Variants in LRRC4C observed in about 807,000 individuals in gnomAD.
The protein encoded by LRRC4C is leucine rich repeat containing 4C, also known as leucine-rich repeat-containing protein 4C.
Under a neutral mutation model 33.6 loss-of-function variants are expected in LRRC4C, and 5 were observed. The observed-to-expected ratio is 0.15, with a 90% CI of 0.08 to 0.31. The LOEUF (loss-of-function observed/expected upper bound fraction) is 0.31. Ranked by LOEUF, LRRC4C falls within the 10% of genes least tolerant of loss-of-function variation. The probability of loss-of-function intolerance (pLI) is 1.00; values close to 1 mark genes in which losing one functional copy is unlikely to be tolerated. For missense variants in LRRC4C, 560 were observed against 796.7 expected (o/e 0.70, Z 3.58); for synonymous variants, 329 against 302.0 (o/e 1.09, Z -0.93).
chr11:40,295,846 G>C (rs1054185618), intron 4 of LRRC4C, among the ~76,000 whole-genome samples: 2 of 152,166 alleles, frequency 1.3e-5, no homozygotes, highest in African/African-American at 2.4e-5. Flanking sequence ...CAAAACACTA[G>C]TGGGCAGTTG....
intron 3 of LRRC4C, among the ~76,000 whole-genome samples, chr11:40,571,416 A>G (rs1957979193): frequency 6.6e-6 from 1 of 152,182 alleles, no homozygotes; most frequent in Admixed American, 6.5e-5. Context: ...GTCATAGAAC[A>G]GAATTCCTGA....
intron 1 of LRRC4C, among the ~76,000 whole-genome samples, chr11:41,230,760 T>C (rs915787676): frequency 3.3e-5 from 5 of 151,932 alleles, no homozygotes; most frequent in Admixed American, 3.3e-4. Context: ...ACAAATGGGA[T>C]CTCATTAAAC....
At chr11:40,604,685 GTATTA>G (rs1223199786) in intron 3 of LRRC4C, among the ~76,000 whole-genome samples, 7 of 151,998 alleles carry the variant, frequency 4.6e-5, no homozygotes, top group African/African-American at 1.7e-4. Context: ...CAACACAAAG[GTATTA>G]TATTTATTTA....
At chr11:40,118,250 A>C (rs1160625008) in intron 6 of LRRC4C, among the ~76,000 whole-genome samples, 3 of 149,130 alleles carry the variant, frequency 2.0e-5, no homozygotes, top group African/African-American at 7.3e-5. Context: ...ATTAACAATA[A>C]ATTAATATAA....
chr11:40,753,540 C>CTT (rs34980126), intron 2 of LRRC4C, among the ~76,000 whole-genome samples: 15,512 of 129,560 alleles, frequency 0.12, 1,309 homozygotes, highest in East Asian at 0.4. Context: ...CACAGAGGCA[C>CTT]TTTTTTTTTT....
intron 2 of LRRC4C, among the ~76,000 whole-genome samples, chr11:40,881,221 C>T (rs1373264234): frequency 1.3e-5 from 2 of 152,012 alleles, no homozygotes; most frequent in Non-Finnish European, 2.9e-5. Flanking sequence ...ATAATCTTTA[C>T]AAGGTTTTTA....
chr11:40,851,813 G>A (rs1743483012), intron 2 of LRRC4C, among the ~76,000 whole-genome samples: 1 of 152,092 alleles, frequency 6.6e-6, no homozygotes, highest in African/African-American at 2.4e-5. Flanking sequence ...GCTTAAATAA[G>A]TGGATTGTCC....
chr11:40,191,991 T>TTA (rs905286368), intron 5 of LRRC4C, among the ~76,000 whole-genome samples: 10 of 152,074 alleles, frequency 6.6e-5, no homozygotes, highest in East Asian at 3.9e-4. Flanking sequence ...TCTATAATTG[T>TTA]TATATATATA....
intron 4 of LRRC4C, among the ~76,000 whole-genome samples, chr11:40,285,672 G>A (rs766171382): frequency 7.9e-5 from 12 of 152,216 alleles, no homozygotes; most frequent in East Asian, 3.9e-4. Context: ...ACAAATATAC[G>A]GAAGGTATAT....
intron 2 of LRRC4C, among the ~76,000 whole-genome samples, chr11:40,919,726 G>A (rs549497422): frequency 6.6e-5 from 10 of 152,054 alleles, no homozygotes; most frequent in Non-Finnish European, 1.3e-4. Flanking sequence ...AGTTTGTGTA[G>A]GATTAAATTA....
At chr11:40,635,869 G>C (rs1170914146) in intron 3 of LRRC4C, among the ~76,000 whole-genome samples, 1 of 151,896 alleles carries the variant, frequency 6.6e-6, no homozygotes, top group African/African-American at 2.4e-5. Context: ...TCAATCTCCT[G>C]ACCTTGTGAT....
intron 1 of LRRC4C, among the ~76,000 whole-genome samples, chr11:41,179,185 CT>C (rs556167987): frequency 0.03 from 4,075 of 136,390 alleles, 89 homozygotes; most frequent in Admixed American, 0.063. Context: ...CCTCAAGCCT[CT>C]TTTTTTTTTT....
chr11:40,538,188 C>G (rs924902853), intron 3 of LRRC4C, among the ~76,000 whole-genome samples: 1 of 152,224 alleles, frequency 6.6e-6, no homozygotes. Context: ...TTCTAACATG[C>G]AACCAAGTCT....
chr11:40,806,603 C>A (rs1479789059), intron 2 of LRRC4C, among the ~76,000 whole-genome samples: 1 of 152,144 alleles, frequency 6.6e-6, no homozygotes. Context: ...ATTGATGGAA[C>A]AAAATTTTGG....
chr11:40,600,626 A>G (rs1959893042), intron 3 of LRRC4C, among the ~76,000 whole-genome samples: 1 of 152,218 alleles, frequency 6.6e-6, no homozygotes, highest in Non-Finnish European at 1.5e-5. Flanking sequence ...GAAGCTATGG[A>G]GAAATGTTTC....
chr11:40,455,795 T>C (rs1412410421), intron 3 of LRRC4C, among the ~76,000 whole-genome samples: 1 of 152,146 alleles, frequency 6.6e-6, no homozygotes, highest in African/African-American at 2.4e-5. Context: ...ATAATTGAAA[T>C]AGATAGCACA....
At chr11:40,306,938 CT>C (rs1257957506) in intron 4 of LRRC4C, among the ~76,000 whole-genome samples, 2 of 94,474 alleles carry the variant, frequency 2.1e-5, no homozygotes, top group Admixed American at 9.3e-5. Flanking sequence ...ACAAGGTTAT[CT>C]GGTTTTTTTT....
chr11:40,473,876 C>T (rs779139525), intron 3 of LRRC4C, among the ~76,000 whole-genome samples: 56 of 152,036 alleles, frequency 3.7e-4, no homozygotes, highest in Non-Finnish European at 2.9e-4. Flanking sequence ...AATAAAATAC[C>T]TAGGAATATA....
chr11:41,290,731 G>A (rs543816208), intron 1 of LRRC4C, among the ~76,000 whole-genome samples: 4 of 152,152 alleles, frequency 2.6e-5, no homozygotes, highest in Admixed American at 2.6e-4. Context: ...TGCCATGAAG[G>A]GAATTATATT....
Sources: allele counts gnomAD v4.1 joint callset (sites outside exome capture counted in the v4.1 genomes callset), GRCh38; gene constraint gnomAD v4.1.1; transcripts MANE v1.5; gene names NCBI Gene and HGNC (gene_info 2026-07-23, HGNC 2026-07-21).